Variants in UBE2K observed in about 807,000 individuals in gnomAD.
UBE2K encodes ubiquitin-conjugating enzyme E2 K.
Under a neutral mutation model 30.0 loss-of-function variants are expected in UBE2K, and 6 were observed. The observed-to-expected ratio is 0.20, with a 90% CI of 0.11 to 0.39. The LOEUF is 0.39. Ranked by LOEUF, UBE2K falls within the 10% of genes least tolerant of loss-of-function variation. The probability of loss-of-function intolerance (pLI) is 1.00; values close to 1 mark genes in which losing one functional copy is unlikely to be tolerated. For missense variants in UBE2K, 61 were observed against 241.6 expected (o/e 0.25, Z 4.96); for synonymous variants, 86 against 83.7 (o/e 1.03, Z -0.15).
chr4:39,702,226 CTTTTCTTTTTTTTTTTTTTT>C (rs1234632131), intron 1 of UBE2K, among the ~76,000 whole-genome samples: 12,010 of 90,658 alleles, frequency 0.13, 766 homozygotes, highest in East Asian at 0.27. Context: ...CTTTTCTTTT[CTTTTCTTTTTTTTTTTTTTT>C]TTTTTTTTTT....
chr4:39,760,842 G>T (rs1246749567), intron 4 of UBE2K, among the ~76,000 whole-genome samples: 1 of 152,166 alleles, frequency 6.6e-6, no homozygotes, highest in Non-Finnish European at 1.5e-5. Flanking sequence ...GGGTGGGCAG[G>T]AGTTGTGAGT....
intron 1 of UBE2K, among the ~76,000 whole-genome samples, chr4:39,709,084 A>T (rs958158210): frequency 6.6e-6 from 1 of 152,016 alleles, no homozygotes. Context: ...TTAAAACCTG[A>T]AGTACTGGCT....
chr4:39,764,932 G>A (rs1712217862), intron 4 of UBE2K, among the ~76,000 whole-genome samples: 1 of 151,590 alleles, frequency 6.6e-6, no homozygotes, highest in Admixed American at 6.6e-5. Flanking sequence ...TGTGGCCCAG[G>A]CTGGAGTGCA....
intron 6 of UBE2K, 70 bp downstream of exon 6, chr4:39,777,880 C>A: frequency 1.5e-6 from 2 of 1,326,952 alleles, no homozygotes; most frequent in Non-Finnish European, 2.0e-6. Flanking sequence ...TCTTGGCTGA[C>A]AAAAGTGGTT....
intron 3 of UBE2K, 33 bp downstream of exon 3, chr4:39,745,843 C>T (rs773553553): frequency 2.0e-6 from 3 of 1,487,060 alleles, no homozygotes; most frequent in Admixed American, 2.0e-5. Context: ...CATGAAGTTA[C>T]AAAATATTTT....
At chr4:39,739,504 T>A (rs1158329881) in intron 2 of UBE2K, among the ~76,000 whole-genome samples, 1 of 141,504 alleles carries the variant, frequency 7.1e-6, no homozygotes, top group Non-Finnish European at 1.5e-5. Context: ...TGGAGTGCAG[T>A]GGTACGATCT....
chr4:39,701,168 G>A (rs1717987306), intron 1 of UBE2K, among the ~76,000 whole-genome samples: 1 of 151,930 alleles, frequency 6.6e-6, no homozygotes, highest in South Asian at 2.1e-4. Context: ...TATTTTCTTT[G>A]TTTTAGATGT....
chr4:39,754,862 A>G (rs1721447956), intron 3 of UBE2K, among the ~76,000 whole-genome samples: 1 of 152,210 alleles, frequency 6.6e-6, no homozygotes, highest in South Asian at 2.1e-4. Context: ...GTCAAAGAAT[A>G]TGGGCTCAGC....
chr4:39,775,062 G>A (rs1019254240), intron 5 of UBE2K, 129 bp downstream of exon 5: 4 of 498,638 alleles, frequency 8.0e-6, no homozygotes, highest in African/African-American at 7.8e-5. Flanking sequence ...CTTTCTTGTG[G>A]TAGGATTATT....
At chr4:39,719,278 T>C (rs143792562) in intron 1 of UBE2K, among the ~76,000 whole-genome samples, 1 of 152,338 alleles carries the variant, frequency 6.6e-6, no homozygotes, top group African/African-American at 2.4e-5. Flanking sequence ...TGGTAAGCCT[T>C]TCTTGAAGCC....
At chr4:39,729,463 C>G (rs2109338752) in intron 1 of UBE2K, among the ~76,000 whole-genome samples, 1 of 152,182 alleles carries the variant, frequency 6.6e-6, no homozygotes, top group East Asian at 1.9e-4. Flanking sequence ...TGTCATCCAC[C>G]CAGCAAAAAA....
At chr4:39,699,025 T>C (rs1021842106) in intron 1 of UBE2K, among the ~76,000 whole-genome samples, 5 of 152,198 alleles carry the variant, frequency 3.3e-5, no homozygotes, top group African/African-American at 1.2e-4. Flanking sequence ...AGTTAGCAAG[T>C]TAATTCCAAA....
chr4:39,740,787 C>T (rs549757259), intron 2 of UBE2K, among the ~76,000 whole-genome samples: 4 of 145,878 alleles, frequency 2.7e-5, no homozygotes, highest in Non-Finnish European at 5.9e-5. Context: ...GGTGTGAACC[C>T]GGGAGGCGGA....
Position 39,774,818 on chromosome 4 carries a change from A to G in UBE2K, c.300-16A>G, listed in dbSNP as rs1035078116. 2.8e-6 allele frequency: 4 copies of G among 1,450,140 alleles called. No individual in the cohort carries two copies. Among genetic ancestry groups the G allele is most frequent in the Non-Finnish European group, 3.7e-6 (4 of 1,084,944 alleles). 89.8% of individuals were successfully genotyped at this position (1,450,140 alleles called of 1,614,324 possible). A position where few individuals can be genotyped will look rare whatever the true frequency, so the allele number is the denominator to read the frequency against. On this transcript the variant is annotated splice_polypyrimidine_tract_variant and intron_variant, in intron 4 of 6. Coordinates refer to ENST00000261427, the MANE Select transcript of UBE2K (RefSeq NM_005339.5). Reference sequence around the variant, plus strand: ...GAGCCCTCTTAATTGGGATATTTTCATGTTTTGCATTTTAGGGCAGCTGCA... The same window carrying G: ...GAGCCCTCTTAATTGGGATATTTTCGTGTTTTGCATTTTAGGGCAGCTGCA...
At chr4:39,716,414 A>AT (rs1204359607) in intron 1 of UBE2K, among the ~76,000 whole-genome samples, 2 of 151,932 alleles carry the variant, frequency 1.3e-5, no homozygotes, top group Admixed American at 1.3e-4. Flanking sequence ...TGCCTGGCTG[A>AT]TTTTTTTTAC....
chr4:39,758,151 T>C (rs1391743097), intron 4 of UBE2K, among the ~76,000 whole-genome samples: 2 of 152,216 alleles, frequency 1.3e-5, no homozygotes, highest in Non-Finnish European at 2.9e-5. Context: ...AAATACGTCC[T>C]TGCATTTTCT....
At chr4:39,736,382 A>C (rs1720381238) in intron 1 of UBE2K, among the ~76,000 whole-genome samples, 1 of 152,176 alleles carries the variant, frequency 6.6e-6, no homozygotes, top group Non-Finnish European at 1.5e-5. Context: ...GAGTCACTTG[A>C]ACCCAGGAGG....
At chr4:39,774,684 A>G in intron 4 of UBE2K, 150 bp from the exon 5 acceptor site, 1 of 411,912 alleles carries the variant, frequency 2.4e-6, no homozygotes, top group Non-Finnish European at 4.3e-6. Context: ...GCAGATACAT[A>G]ATTATAAATG....
At chr4:39,710,363 T>G (rs1453659822) in intron 1 of UBE2K, among the ~76,000 whole-genome samples, 1 of 151,930 alleles carries the variant, frequency 6.6e-6, no homozygotes, top group African/African-American at 2.4e-5. Flanking sequence ...ACTGTAACCT[T>G]GAACTCCTGG....
Sources: allele counts gnomAD v4.1 joint callset (sites outside exome capture counted in the v4.1 genomes callset), GRCh38; gene constraint gnomAD v4.1.1; transcripts MANE v1.5; gene names NCBI Gene and HGNC (gene_info 2026-07-23, HGNC 2026-07-21).